PTPRD: variants seen among roughly 807,000 people sequenced by gnomAD.
PTPRD encodes the protein protein tyrosine phosphatase receptor type D, also known as receptor-type tyrosine-protein phosphatase delta.
A neutral mutation model predicts 214.5 loss-of-function variants in PTPRD; 34 were observed. The ratio of observed to expected loss-of-function variants is 0.16; its 90% CI spans 0.12 to 0.21. PTPRD has a LOEUF of 0.21. Among genes scored for constraint, PTPRD ranks in the 10% least tolerant of loss-of-function variants. The pLI, the probability that PTPRD is intolerant of heterozygous loss-of-function variation, is 1.00. For synonymous variants in PTPRD, 1,128 were observed against 845.7 expected (o/e 1.33, Z -5.79); for missense variants, 2,545 against 2,398.7 (o/e 1.06, Z -1.27).
intron 11 of PTPRD, chr9:8,962,323 C>T (rs936095058): frequency 1.3e-5 from 2 of 152,164 alleles, no homozygotes; most frequent in Non-Finnish European, 2.9e-5. Context: ...CTCTGAACAA[C>T]CCTGACAGAG....
intron 27 of PTPRD, among the ~76,000 whole-genome samples, chr9:8,492,609 G>T (rs1179274624): frequency 8.8e-6 from 1 of 113,684 alleles, no homozygotes; most frequent in African/African-American, 4.5e-5. Context: ...CACACAGAAG[G>T]TGCTCAAAAA....
At chr9:9,356,903 G>T (rs1324876735) in intron 9 of PTPRD, among the ~76,000 whole-genome samples, 1 of 151,388 alleles carries the variant, frequency 6.6e-6, no homozygotes, top group Non-Finnish European at 1.5e-5. Context: ...CTTGCTACCA[G>T]TGAGGCAGCA....
At chr9:10,569,241 G>C (rs1011267056) in intron 2 of PTPRD, among the ~76,000 whole-genome samples, 2 of 152,052 alleles carry the variant, frequency 1.3e-5, no homozygotes, top group African/African-American at 4.8e-5. Context: ...ACACCAGTTA[G>C]AATGGCGATG....
intron 11 of PTPRD, among the ~76,000 whole-genome samples, chr9:8,944,800 C>T (rs1313798329): frequency 8.1e-5 from 12 of 148,774 alleles, no homozygotes; most frequent in Admixed American, 8.0e-4. Context: ...CAAAAATATA[C>T]TTAGATAGAA....
intron 2 of PTPRD, among the ~76,000 whole-genome samples, chr9:10,434,857 G>T (rs1252583663): frequency 6.6e-6 from 1 of 151,738 alleles, no homozygotes; most frequent in African/African-American, 2.4e-5. Context: ...ATCTGGACTG[G>T]TTATGGCTCC....
intron 12 of PTPRD, among the ~76,000 whole-genome samples, chr9:8,702,634 G>C (rs1317363501): frequency 6.6e-6 from 1 of 152,202 alleles, no homozygotes; most frequent in Non-Finnish European, 1.5e-5. Flanking sequence ...GTTTCTTTTA[G>C]ACAGAGTCTT....
chr9:9,897,814 T>C lies in PTPRD; in HGVS notation c.-368+40693A>G, dbSNP rs534003932. The stretch of plus-strand genomic sequence containing the variant: ...GTAGACAATGTACACTTAACTGTTT[T>C]TCTGACTCTTAGCTAAATTCAGCAT... On this transcript the variant is annotated intron_variant, in intron 5 of 45. Transcript: ENST00000381196. Among the ~76,000 whole-genome samples the C allele has an allele frequency of 2.0e-5, 3 of 152,248 alleles. No homozygotes were observed. In the South Asian group the frequency reaches 6.2e-4, roughly 32 times the overall value.
intron 9 of PTPRD, among the ~76,000 whole-genome samples, chr9:9,333,504 T>TTATATATATATATATATATAGATATATA (rs2043165791): frequency 7.3e-6 from 1 of 137,248 alleles, no homozygotes; most frequent in African/African-American, 2.9e-5. Context: ...ATATAGTATA[T>TTATATATATATATATATATAGATATATA]TATATATATA....
chr9:8,705,241 T>G (rs1188539229), intron 12 of PTPRD, among the ~76,000 whole-genome samples: 1 of 152,196 alleles, frequency 6.6e-6, no homozygotes, highest in Non-Finnish European at 1.5e-5. Flanking sequence ...TTTTGTTTTT[T>G]GAGATGGTCT....
chr9:8,355,205 T>C (rs900757170), intron 39 of PTPRD, among the ~76,000 whole-genome samples: 3 of 152,120 alleles, frequency 2.0e-5, no homozygotes, highest in Admixed American at 6.5e-5. Context: ...GTCTCTCTCT[T>C]GCTCCCTTTT....
chr9:8,893,974 G>C (rs1389675670), intron 11 of PTPRD, among the ~76,000 whole-genome samples: 1 of 152,008 alleles, frequency 6.6e-6, no homozygotes, highest in African/African-American at 2.4e-5. Context: ...AAGATATACA[G>C]CTCAAACATA....
intron 4 of PTPRD, among the ~76,000 whole-genome samples, chr9:9,973,633 A>T (rs1165822769): frequency 1.3e-5 from 2 of 152,176 alleles, no homozygotes; most frequent in Non-Finnish European, 2.9e-5. Context: ...ATCTGTAAAG[A>T]CCAAGTACAT....
Position 8,486,235 on chromosome 9 carries a change from C to A in PTPRD, c.2582G>T (p.Gly861Val), listed in dbSNP as rs2135966486. 2 of 1,614,142 alleles carry A rather than the reference C, an allele frequency of 1.2e-6. No individual in the cohort carries two copies. Among genetic ancestry groups the A allele is most frequent in the Non-Finnish European group, 1.7e-6 (2 of 1,180,016 alleles). ...GPLQGYRLKF[G>V]RKDMEPLTTL... ...AGTAAGTGGCTCCATATCCTTGCGG[C>A]CAAATTTTAGACGGTAGCCCTGAAG... The change falls in exon 28 of 46, where the codon GGC becomes GTC. Residue 861 changes from glycine to valine, a missense_variant. Physicochemically the swap from Gly to Val is moderately radical, Grantham distance 109. Transcript: ENST00000381196.
At chr9:9,383,300 T>A (rs1479319465) in intron 9 of PTPRD, among the ~76,000 whole-genome samples, 2 of 152,120 alleles carry the variant, frequency 1.3e-5, no homozygotes, top group Admixed American at 1.3e-4. Flanking sequence ...GCTTTAAACA[T>A]ATTAAACATT....
chr9:8,365,508 C>G (rs2079595472), intron 39 of PTPRD, among the ~76,000 whole-genome samples: 1 of 152,122 alleles, frequency 6.6e-6, no homozygotes, highest in Non-Finnish European at 1.5e-5. Context: ...CTTGGCTCCT[C>G]TCATCGAGCC....
intron 44 of PTPRD, among the ~76,000 whole-genome samples, chr9:8,330,060 C>A (rs1263652567): frequency 5.3e-5 from 8 of 152,116 alleles, no homozygotes; most frequent in Admixed American, 1.3e-4. Flanking sequence ...GGGAGAAGTG[C>A]AGTATCTGGG....
intron 2 of PTPRD, among the ~76,000 whole-genome samples, chr9:10,512,012 G>A (rs1459171689): frequency 9.4e-5 from 5 of 53,216 alleles, no homozygotes; most frequent in South Asian, 7.1e-4. Flanking sequence ...ATATATATAC[G>A]TGTGTGTATA....
chr9:8,629,240 G>A (rs1011706610), intron 14 of PTPRD, among the ~76,000 whole-genome samples: 1 of 151,774 alleles, frequency 6.6e-6, no homozygotes, highest in African/African-American at 2.4e-5. Context: ...AATAATTATT[G>A]ATGTCTTTCC....
chr9:8,654,993 A>G (rs2096881973), intron 12 of PTPRD, among the ~76,000 whole-genome samples: 1 of 152,210 alleles, frequency 6.6e-6, no homozygotes, highest in African/African-American at 2.4e-5. Flanking sequence ...TTCACATACT[A>G]AAACGTAGGA....
Sources: gnomAD v4.1 joint callset for allele counts (sites outside exome capture counted in the v4.1 genomes callset) on GRCh38, gnomAD v4.1.1 for gene constraint, MANE v1.5 for transcripts, NCBI Gene and HGNC (gene_info 2026-07-23, HGNC 2026-07-21) for gene names.